The following LRRC4C variants were observed in gnomAD, a reference collection of about 807,000 sequenced individuals.
The protein encoded by LRRC4C is leucine rich repeat containing 4C.
Under a neutral mutation model 33.6 loss-of-function variants are expected in LRRC4C, and 5 were observed. That is an observed-to-expected ratio of 0.15 (90% CI 0.08 to 0.31). The LOEUF (loss-of-function observed/expected upper bound fraction) is 0.31. Among genes scored for constraint, LRRC4C ranks in the 10% least tolerant of loss-of-function variants. The pLI, the probability that LRRC4C is intolerant of heterozygous loss-of-function variation, is 1.00. For missense variants in LRRC4C, 560 were observed against 796.7 expected, an observed-to-expected ratio of 0.70 and a Z score of 3.58; for synonymous variants, 329 against 302.0, an observed-to-expected ratio of 1.09 and a Z score of -0.93.
intron 3 of LRRC4C, among the ~76,000 whole-genome samples, chr11:40,545,309 T>C (rs1956869441): frequency 6.6e-6 from 1 of 152,022 alleles, no homozygotes; most frequent in South Asian, 2.1e-4. Context: ...GGATAGGAAT[T>C]AATAACTGAA....
chr11:40,435,720 T>C (rs1443692942), intron 3 of LRRC4C, among the ~76,000 whole-genome samples: 1 of 152,148 alleles, frequency 6.6e-6, no homozygotes, highest in Non-Finnish European at 1.5e-5. Context: ...TGAGAACAGA[T>C]AAAAATATCA....
At chr11:40,155,689 G>T (rs1565064435) in intron 5 of LRRC4C, among the ~76,000 whole-genome samples, 1 of 152,066 alleles carries the variant, frequency 6.6e-6, no homozygotes, top group African/African-American at 2.4e-5. Flanking sequence ...CCAATAACAA[G>T]CAGTGAGATT....
intron 2 of LRRC4C, among the ~76,000 whole-genome samples, chr11:40,840,534 T>G (rs946216052): frequency 1.3e-5 from 2 of 152,158 alleles, no homozygotes; most frequent in Non-Finnish European, 2.9e-5. Context: ...ACATAAAAAT[T>G]GCAAAGAACA....
At chr11:41,174,981 T>A (rs941951738) in intron 1 of LRRC4C, among the ~76,000 whole-genome samples, 22 of 152,076 alleles carry the variant, frequency 1.4e-4, no homozygotes, top group African/African-American at 5.1e-4. Context: ...TAAATTAATT[T>A]AATTAATGCT....
chr11:40,575,946 A>G (rs528285323), intron 3 of LRRC4C, among the ~76,000 whole-genome samples: 11 of 152,328 alleles, frequency 7.2e-5, no homozygotes, highest in African/African-American at 2.2e-4. Context: ...TTTTCAGCTT[A>G]TAAAATTATA....
At chr11:40,471,973 G>A (rs1426320984) in intron 3 of LRRC4C, among the ~76,000 whole-genome samples, 2 of 152,128 alleles carry the variant, frequency 1.3e-5, no homozygotes, top group Non-Finnish European at 2.9e-5. Context: ...TCAGACCACA[G>A]TGCAATCAAA....
At chr11:40,589,782 C>A (rs1437135015) in intron 3 of LRRC4C, among the ~76,000 whole-genome samples, 1 of 150,014 alleles carries the variant, frequency 6.7e-6, no homozygotes, top group East Asian at 2.0e-4. Flanking sequence ...AAATTCTTTT[C>A]TTTAAGAATG....
chr11:41,089,612 A>C (rs1485656782), intron 1 of LRRC4C, among the ~76,000 whole-genome samples: 2 of 152,022 alleles, frequency 1.3e-5, no homozygotes, highest in Non-Finnish European at 2.9e-5. Flanking sequence ...AAATTGGTGC[A>C]TTTTTACAAA....
intron 2 of LRRC4C, 121 bp from the exon 3 acceptor site, chr11:40,648,399 C>T (rs1424528328): frequency 6.6e-6 from 1 of 152,050 alleles, no homozygotes; most frequent in Non-Finnish European, 1.5e-5. Context: ...ACACATTGAC[C>T]ATTTTTATTT....
chr11:40,218,654 C>CTATCT (rs71060948), intron 5 of LRRC4C, among the ~76,000 whole-genome samples: 1 of 141,528 alleles, frequency 7.1e-6, no homozygotes, highest in Non-Finnish European at 1.6e-5. Context: ...ATCTATCTAT[C>CTATCT]ATCTATTGCC....
chr11:40,785,512 C>T (rs972156166), intron 2 of LRRC4C, among the ~76,000 whole-genome samples: 15 of 152,052 alleles, frequency 9.9e-5, no homozygotes, highest in African/African-American at 3.6e-4. Flanking sequence ...AACCCATTTC[C>T]TCTTTTTATA....
At chr11:41,080,272 C>G (rs1939467023) in intron 1 of LRRC4C, among the ~76,000 whole-genome samples, 1 of 150,608 alleles carries the variant, frequency 6.6e-6, no homozygotes, top group Non-Finnish European at 1.5e-5. Context: ...AGTGTTTGCA[C>G]TAATTACAAT....
chr11:40,897,008 T>C (rs531005598), intron 2 of LRRC4C, among the ~76,000 whole-genome samples: 2 of 152,228 alleles, frequency 1.3e-5, no homozygotes, highest in East Asian at 3.9e-4. Context: ...ACCCAGAAAG[T>C]TAAAAGGAAA....
intron 2 of LRRC4C, among the ~76,000 whole-genome samples, chr11:40,755,516 G>T (rs957841540): frequency 6.6e-6 from 1 of 152,012 alleles, no homozygotes; most frequent in African/African-American, 2.4e-5. Context: ...CCTTATTGCT[G>T]CTCCATTTTT....
intron 1 of LRRC4C, among the ~76,000 whole-genome samples, chr11:41,106,746 T>C (rs1461386971): frequency 6.6e-6 from 1 of 152,034 alleles, no homozygotes. Context: ...TTATCCAAAA[T>C]GGTTGGCGGG....
intron 1 of LRRC4C, among the ~76,000 whole-genome samples, chr11:40,935,065 T>A (rs181575791): frequency 6.6e-6 from 1 of 152,306 alleles, no homozygotes; most frequent in Non-Finnish European, 1.5e-5. Flanking sequence ...ACAAACAGAC[T>A]TTTTAAAATT....
At chr11:41,190,239 G>C (rs555221855) in intron 1 of LRRC4C, among the ~76,000 whole-genome samples, 1 of 152,212 alleles carries the variant, frequency 6.6e-6, no homozygotes, top group South Asian at 2.1e-4. Flanking sequence ...AAGACAGACG[G>C]AGGACAAGAG....
intron 3 of LRRC4C, among the ~76,000 whole-genome samples, chr11:40,571,381 T>C (rs1362091785): frequency 6.6e-6 from 1 of 152,150 alleles, no homozygotes; most frequent in African/African-American, 2.4e-5. Context: ...TGAATAATAG[T>C]GTTTACAGAG....
In LRRC4C at chr11:40,866,188, G is replaced by T. The variant is rs11036107; in HGVS notation, c.-407+67447C>A. Among the ~76,000 whole-genome samples, 4 of 138,164 alleles carry T rather than the reference G, an allele frequency of 2.9e-5. 1 individual carries two copies. The highest frequency in any genetic ancestry group is 1.1e-4 in the African/African-American group (4 of 37,626). The allele number at this position is 138,164 out of a possible 152,430, so 90.6% of individuals were successfully genotyped here. On this transcript the variant is annotated intron_variant, in intron 2 of 6. Transcript: ENST00000528697. ...TCTACTTAAAAAAAAAAAAAAAAGC[G>T]GTAAGAAATGTGGTCTTTATCTTTA...
Sources: gnomAD v4.1 joint callset for allele counts (sites outside exome capture counted in the v4.1 genomes callset) on GRCh38, gnomAD v4.1.1 for gene constraint, MANE v1.5 for transcripts, NCBI Gene and HGNC (gene_info 2026-07-23, HGNC 2026-07-21) for gene names.